The following SGCZ variants were observed in gnomAD, a reference collection of about 807,000 sequenced individuals.
SGCZ encodes sarcoglycan zeta.
SGCZ carries 40 observed loss-of-function variants against 41.3 expected under a neutral mutation model. That is an observed-to-expected ratio of 0.97 (90% CI 0.75 to 1.26). SGCZ has a LOEUF of 1.26. SGCZ is among the 50% of genes most tolerant of loss of function. The pLI, the probability that SGCZ is intolerant of heterozygous loss-of-function variation, is 0.00. For missense variants in SGCZ, 552 were observed against 369.8 expected (o/e 1.49, Z -4.04); for synonymous variants, 206 against 137.5 (o/e 1.50, Z -3.49).
At position 15,170,592 on chromosome 8, in the gene SGCZ, C is replaced by A. The variant is rs550771423; in HGVS notation, c.39+66993G>T. On this transcript the variant is annotated intron_variant, in intron 1 of 7. Coordinates refer to ENST00000382080, the MANE Select transcript of SGCZ (RefSeq NM_139167.4). Reference sequence around the variant, plus strand: ...AACCCACTTTAAATGAAAGAGTCCACCAGATCATGTGTCCCTGGAATCCAG... The same window carrying A: ...AACCCACTTTAAATGAAAGAGTCCAACAGATCATGTGTCCCTGGAATCCAG... Among the ~76,000 whole-genome samples the A allele has an allele frequency of 3.3e-5, 5 of 152,310 alleles. 1 individual carries two copies. In the South Asian group the frequency reaches 1.0e-3, roughly 32 times the overall value.
intron 1 of SGCZ, among the ~76,000 whole-genome samples, chr8:15,029,369 A>T (rs1032138291): frequency 6.6e-6 from 1 of 152,086 alleles, no homozygotes; most frequent in African/African-American, 2.4e-5. Context: ...TATACCAAAT[A>T]TATGTTATGG....
At chr8:15,193,742 A>C (rs190133257) in intron 1 of SGCZ, among the ~76,000 whole-genome samples, 6 of 152,342 alleles carry the variant, frequency 3.9e-5, no homozygotes, top group African/African-American at 1.4e-4. Flanking sequence ...ACAAATGTAC[A>C]GAATACTTCA....
At chr8:14,844,792 C>T (rs79217989) in intron 1 of SGCZ, among the ~76,000 whole-genome samples, 3,620 of 152,278 alleles carry the variant, frequency 0.024, 107 homozygotes, top group African/African-American at 0.068. Context: ...GAGAAATTAT[C>T]TGAAACAACA....
chr8:14,157,749 A>G (rs939557903), intron 5 of SGCZ, among the ~76,000 whole-genome samples: 1 of 152,190 alleles, frequency 6.6e-6, no homozygotes, highest in Non-Finnish European at 1.5e-5. Context: ...AAAGAGGGAT[A>G]GAAGAAGGTG....
intron 1 of SGCZ, among the ~76,000 whole-genome samples, chr8:14,624,563 T>TATTTA (rs1563161391): frequency 2.9e-4 from 31 of 107,786 alleles, no homozygotes; most frequent in African/African-American, 1.1e-3. Flanking sequence ...TTATTTTTTT[T>TATTTA]TTTTTTTTTT....
intron 1 of SGCZ, among the ~76,000 whole-genome samples, chr8:14,840,461 G>A (rs545553730): frequency 4.8e-4 from 73 of 152,098 alleles, no homozygotes; most frequent in Non-Finnish European, 8.7e-4. Context: ...TCAACGTTCC[G>A]TGGCCAGGAA....
At position 14,332,251 on chromosome 8, in the gene SGCZ, C is replaced by T. The variant is rs187724977; in HGVS notation, c.235-8047G>A. On this transcript the variant is annotated intron_variant, in intron 2 of 7. Coordinates refer to ENST00000382080, the MANE Select transcript of SGCZ (RefSeq NM_139167.4). ...GAGATCGAGACCATCCTGGCTAACACGGTGAAACCCCGTCTCTACTAAAAA... is the reference window on the plus strand; with the variant it reads ...GAGATCGAGACCATCCTGGCTAACATGGTGAAACCCCGTCTCTACTAAAAA... 1.3e-3 allele frequency among the ~76,000 whole-genome samples: 192 copies of T among 151,916 alleles called. 1 individual carries two copies. The highest frequency in any genetic ancestry group is 4.5e-3 in the African/African-American group (186 of 41,446).
rs549730946 is a variant in SGCZ, at chr8:14,155,033, G to C, written c.547+9547C>G. On this transcript the variant is annotated intron_variant, in intron 5 of 7. Transcript: ENST00000382080. ...AATAAATGCCATCAACTGATTTACAGCCACTCTGTTTTGGAGTAGTTTGCT... is the reference window on the plus strand; with the variant it reads ...AATAAATGCCATCAACTGATTTACACCCACTCTGTTTTGGAGTAGTTTGCT... Among the ~76,000 whole-genome samples the C allele has an allele frequency of 7.9e-5, 12 of 152,262 alleles. 1 individual carries two copies. The highest frequency in any genetic ancestry group is 2.9e-4 in the African/African-American group (12 of 41,560).
intron 3 of SGCZ, among the ~76,000 whole-genome samples, chr8:14,278,867 T>C (rs889896860): frequency 1.3e-5 from 2 of 152,114 alleles, no homozygotes; most frequent in African/African-American, 2.4e-5. Context: ...ATGAGAAATA[T>C]GTTTAATAAT....
chr8:14,736,054 T>C (rs956672217), intron 1 of SGCZ, among the ~76,000 whole-genome samples: 4 of 152,154 alleles, frequency 2.6e-5, no homozygotes, highest in Non-Finnish European at 2.9e-5. Flanking sequence ...TGATTTCTAC[T>C]CTGCATTTAA....
chr8:14,727,916 T>A (rs923691491), intron 1 of SGCZ, among the ~76,000 whole-genome samples: 1 of 152,124 alleles, frequency 6.6e-6, no homozygotes, highest in Non-Finnish European at 1.5e-5. Flanking sequence ...TACTAAGCAA[T>A]TAAAATGAGT....
At chr8:14,300,346 A>T (rs571435625) in intron 3 of SGCZ, among the ~76,000 whole-genome samples, 2 of 151,714 alleles carry the variant, frequency 1.3e-5, no homozygotes, top group Non-Finnish European at 3.0e-5. Flanking sequence ...GGAGGAAGAA[A>T]GCGGGGAGAA....
At chr8:14,356,609 T>G (rs1803301679) in intron 2 of SGCZ, among the ~76,000 whole-genome samples, 1 of 151,958 alleles carries the variant, frequency 6.6e-6, no homozygotes, top group African/African-American at 2.4e-5. Flanking sequence ...TAGCCCAATA[T>G]AATAGAAATA....
chr8:14,658,321 A>C (rs1156309807), intron 1 of SGCZ, among the ~76,000 whole-genome samples: 2 of 152,174 alleles, frequency 1.3e-5, no homozygotes, highest in African/African-American at 2.4e-5. Context: ...GGATAATTGC[A>C]GTGTTGTCCT....
chr8:14,678,683 C>T (rs112528418), intron 1 of SGCZ, among the ~76,000 whole-genome samples: 1,913 of 152,266 alleles, frequency 0.013, 33 homozygotes, highest in African/African-American at 0.031. Context: ...TCGTGCTCCA[C>T]GGTCTTCCTC....
At chr8:14,352,640 A>G (rs1803143738) in intron 2 of SGCZ, among the ~76,000 whole-genome samples, 1 of 152,130 alleles carries the variant, frequency 6.6e-6, no homozygotes, top group Non-Finnish European at 1.5e-5. Context: ...ACAAGCCCGT[A>G]GAGCTTGTTC....
chr8:14,989,067 T>G (rs999318638), intron 1 of SGCZ, among the ~76,000 whole-genome samples: 3 of 152,134 alleles, frequency 2.0e-5, no homozygotes, highest in Non-Finnish European at 4.4e-5. Flanking sequence ...GAATCAAGTT[T>G]GCACTGTAAA....
At chr8:14,594,769 G>A (rs139043203) in intron 1 of SGCZ, among the ~76,000 whole-genome samples, 8 of 151,996 alleles carry the variant, frequency 5.3e-5, no homozygotes, top group African/African-American at 1.2e-4. Flanking sequence ...ATACTATTAC[G>A]TGAATTCTAG....
At chr8:14,662,683 A>C (rs759581306) in intron 1 of SGCZ, among the ~76,000 whole-genome samples, 1 of 152,188 alleles carries the variant, frequency 6.6e-6, no homozygotes, top group Non-Finnish European at 1.5e-5. Flanking sequence ...GGACAAAAGA[A>C]AATTAAGGTT....
Sources: gnomAD v4.1 joint callset for allele counts (sites outside exome capture counted in the v4.1 genomes callset) on GRCh38, gnomAD v4.1.1 for gene constraint, MANE v1.5 for transcripts, NCBI Gene and HGNC (gene_info 2026-07-23, HGNC 2026-07-21) for gene names.